The following CADM2 variants were observed in gnomAD, a reference collection of about 807,000 sequenced individuals.
CADM2 encodes cell adhesion molecule 2, also known as immunoglobulin superfamily member 4D.
CADM2 carries 12 observed loss-of-function variants against 49.8 expected under a neutral mutation model. The ratio of observed to expected loss-of-function variants is 0.24; its 90% CI spans 0.15 to 0.39. The LOEUF (loss-of-function observed/expected upper bound fraction) is 0.39. Among genes scored for constraint, CADM2 ranks in the 10% least tolerant of loss-of-function variants. CADM2 has a pLI of 1.00. For missense variants in CADM2, 378 were observed against 492.3 expected (o/e 0.77, Z 2.20); for synonymous variants, 214 against 175.4 (o/e 1.22, Z -1.74).
chr3:85,119,471 G>T (rs192383893), intron 1 of CADM2, among the ~76,000 whole-genome samples: 3 of 152,060 alleles, frequency 2.0e-5, no homozygotes, highest in Non-Finnish European at 4.4e-5. Context: ...GATTGTCTTA[G>T]GTATATGGGC....
chr3:85,118,724 A>G (rs1254702730), intron 1 of CADM2, among the ~76,000 whole-genome samples: 2 of 152,112 alleles, frequency 1.3e-5, no homozygotes, highest in African/African-American at 2.4e-5. Context: ...AAGAAGTTTA[A>G]TGTTGTCCAT....
chr3:85,222,558 A>G lies in CADM2; in HGVS notation c.61+262890A>G, dbSNP rs144761397. On this transcript the variant is annotated intron_variant, in intron 1 of 9. Transcript: ENST00000383699. ...TGGCTTTCACCTCTTTCGCTGTCAC[A>G]TATATTTTCCCTGATAATCTGTAAC... Among the ~76,000 whole-genome samples, 835 of 152,216 alleles carry G rather than the reference A, an allele frequency of 5.5e-3. 5 individuals carry two copies. The highest frequency in any genetic ancestry group is 0.019 in the African/African-American group (794 of 41,536).
intron 3 of CADM2, among the ~76,000 whole-genome samples, chr3:85,804,634 T>C (rs2072285349): frequency 6.6e-6 from 1 of 152,168 alleles, no homozygotes; most frequent in African/African-American, 2.4e-5. Flanking sequence ...AAAATCTATA[T>C]GAAATGCCCT....
Position 85,710,936 on chromosome 3 carries a change from A to G in CADM2, c.62-15586A>G, listed in dbSNP as rs2067097872. Among the ~76,000 whole-genome samples, 2 of 152,136 alleles carry G rather than the reference A, an allele frequency of 1.3e-5. 1 individual carries two copies. The highest frequency in any genetic ancestry group is 4.8e-5 in the African/African-American group (2 of 41,446). The stretch of plus-strand genomic sequence containing the variant: ...TGAGATTCTCTGAATCTCTGAAATC[A>G]TGCCAGGTGGGATTTTAGGCTTAAC... On this transcript the variant is annotated intron_variant, in intron 1 of 9. Transcript: ENST00000383699.
intron 1 of CADM2, among the ~76,000 whole-genome samples, chr3:85,152,776 T>G (rs2039967858): frequency 6.6e-6 from 1 of 151,818 alleles, no homozygotes; most frequent in Non-Finnish European, 1.5e-5. Context: ...GCTAACACAG[T>G]GAAACCCCGT....
At chr3:85,155,676 C>T (rs1337917739) in intron 1 of CADM2, among the ~76,000 whole-genome samples, 1 of 151,912 alleles carries the variant, frequency 6.6e-6, no homozygotes, top group Non-Finnish European at 1.5e-5. Flanking sequence ...CCAAAATTGA[C>T]CACATAGTTG....
intron 1 of CADM2, among the ~76,000 whole-genome samples, chr3:85,475,956 G>A (rs561428933): frequency 6.6e-6 from 1 of 151,902 alleles, no homozygotes; most frequent in Admixed American, 6.6e-5. Flanking sequence ...TTGCACACAA[G>A]TACTTAAAAA....
At chr3:85,513,599 A>G (rs1161173742) in intron 1 of CADM2, among the ~76,000 whole-genome samples, 2 of 152,022 alleles carry the variant, frequency 1.3e-5, no homozygotes, top group Non-Finnish European at 2.9e-5. Flanking sequence ...TTATCATATT[A>G]TAAATCAGCT....
intron 1 of CADM2, among the ~76,000 whole-genome samples, chr3:85,119,781 TC>T (rs2038786575): frequency 6.6e-6 from 1 of 152,208 alleles, no homozygotes; most frequent in South Asian, 2.1e-4. Flanking sequence ...GGGAGTTCAC[TC>T]ATGATTTGGC....
chr3:85,615,108 C>T (rs2063765546), intron 1 of CADM2, among the ~76,000 whole-genome samples: 1 of 151,848 alleles, frequency 6.6e-6, no homozygotes, highest in African/African-American at 2.4e-5. Flanking sequence ...ATGATATTCT[C>T]ATACTCTTTA....
chr3:85,889,185 A>T (rs574423590), intron 5 of CADM2, among the ~76,000 whole-genome samples: 141 of 152,338 alleles, frequency 9.3e-4, no homozygotes, highest in African/African-American at 3.2e-3. Context: ...AGAAACGTTT[A>T]TACAAATCTT....
rs186560826 is a variant in CADM2, at chr3:86,069,393, A to G, written c.*2610A>G. 1 of 151,986 alleles carries G rather than the reference A, an allele frequency of 6.6e-6. No homozygotes were observed. Among genetic ancestry groups the G allele is most frequent in the Non-Finnish European group, 1.5e-5 (1 of 67,884 alleles). 9.4% of individuals were successfully genotyped at this position (151,986 alleles called of 1,614,324 possible). On this transcript the variant is annotated 3_prime_UTR_variant, in exon 10 of 10. Transcript: ENST00000383699. ...ATTATAATTTGTGGGATCTAATTAAATGTTTGCCTATTAAATATAGTTTGA... is the reference window on the plus strand; with the variant it reads ...ATTATAATTTGTGGGATCTAATTAAGTGTTTGCCTATTAAATATAGTTTGA...
In CADM2 at chr3:85,595,478, C is replaced by A. The variant is rs151157920; in HGVS notation, c.62-131044C>A. On this transcript the variant is annotated intron_variant, in intron 1 of 9. Transcript: ENST00000383699. ...ACTATCTTTATCTTATCATTTTGTA[C>A]GTGGTATTTGGACGAGTAGCTCCTG... Among the ~76,000 whole-genome samples, 1,162 of 152,026 alleles carry A rather than the reference C, an allele frequency of 7.6e-3. 7 individuals carry two copies. Among genetic ancestry groups the A allele is most frequent in the Non-Finnish European group, 0.011 (758 of 67,966 alleles).
At chr3:85,890,152 A>G (rs1714230033) in intron 5 of CADM2, among the ~76,000 whole-genome samples, 1 of 152,024 alleles carries the variant, frequency 6.6e-6, no homozygotes, top group African/African-American at 2.4e-5. Context: ...GGAGGACTTC[A>G]ATATTGAAAG....
intron 3 of CADM2, among the ~76,000 whole-genome samples, chr3:85,846,687 T>C (rs1049413851): frequency 9.9e-5 from 15 of 151,782 alleles, no homozygotes; most frequent in African/African-American, 3.6e-4. Context: ...GGTAACACAG[T>C]CAAACTCTCT....
intron 8 of CADM2, among the ~76,000 whole-genome samples, chr3:85,970,175 CAT>C (rs1725947326): frequency 6.7e-6 from 1 of 149,980 alleles, no homozygotes; most frequent in South Asian, 2.1e-4. Context: ...TGATTCAAAA[CAT>C]AAATAACTGT....
chr3:85,208,978 A>G (rs1383575402), intron 1 of CADM2, among the ~76,000 whole-genome samples: 1 of 152,182 alleles, frequency 6.6e-6, no homozygotes, highest in Non-Finnish European at 1.5e-5. Flanking sequence ...TTTTAAAATA[A>G]TCTTTTGGAT....
intron 1 of CADM2, among the ~76,000 whole-genome samples, chr3:85,555,804 T>G (rs2061943283): frequency 6.6e-6 from 1 of 152,092 alleles, no homozygotes; most frequent in South Asian, 2.1e-4. Context: ...TCTTTGTTAA[T>G]AAACTCATTT....
intron 5 of CADM2, among the ~76,000 whole-genome samples, chr3:85,906,584 CA>C (rs1318103791): frequency 6.6e-6 from 1 of 152,046 alleles, no homozygotes. Flanking sequence ...GTACTTCCTT[CA>C]AAAAGTTGAA....
Sources: gnomAD v4.1 joint callset for allele counts (sites outside exome capture counted in the v4.1 genomes callset) on GRCh38, gnomAD v4.1.1 for gene constraint, MANE v1.5 for transcripts, NCBI Gene and HGNC (gene_info 2026-07-23, HGNC 2026-07-21) for gene names.